Variants in LRRC20 observed in about 807,000 individuals in gnomAD.
The protein encoded by LRRC20 is leucine-rich repeat-containing protein 20.
LRRC20 carries 11 observed loss-of-function variants against 14.4 expected under a neutral mutation model. The ratio of observed to expected loss-of-function variants is 0.77; its 90% CI spans 0.48 to 1.27. LRRC20 has a LOEUF of 1.27. Ranked by LOEUF, LRRC20 falls within the 50% of genes most tolerant of loss-of-function variation. The pLI, the probability that LRRC20 is intolerant of heterozygous loss-of-function variation, is 0.00. For synonymous variants in LRRC20, 121 were observed against 107.3 expected (o/e 1.13, Z -0.79); for missense variants, 219 against 251.2 (o/e 0.87, Z 0.87).
chr10:70,332,826 T>C (rs1221573969), intron 3 of LRRC20, among the ~76,000 whole-genome samples: 1 of 152,260 alleles, frequency 6.6e-6, no homozygotes, highest in Non-Finnish European at 1.5e-5. Context: ...TAATGGTGGT[T>C]GTCTCTGGAC....
intron 1 of LRRC20, among the ~76,000 whole-genome samples, chr10:70,378,195 T>A (rs911344212): frequency 4.6e-5 from 7 of 152,224 alleles, no homozygotes; most frequent in African/African-American, 1.4e-4. Context: ...AACAAAACAC[T>A]GAGGGAACTC....
chr10:70,332,807 C>T (rs4747003), intron 3 of LRRC20, among the ~76,000 whole-genome samples: 83,168 of 152,132 alleles, frequency 0.55, 22,869 homozygotes, highest in African/African-American at 0.59. Flanking sequence ...GGAATATCTC[C>T]AGTACTGCTA....
intron 2 of LRRC20, among the ~76,000 whole-genome samples, chr10:70,350,460 TA>T: frequency 6.6e-6 from 1 of 152,252 alleles, no homozygotes; most frequent in South Asian, 2.1e-4. Context: ...CTTATCTCGT[TA>T]ATTCTAATGA....
chr10:70,304,493 TATATATATATATA>T (rs1841338972), intron 4 of LRRC20, among the ~76,000 whole-genome samples: 2 of 142,588 alleles, frequency 1.4e-5, no homozygotes, highest in East Asian at 2.0e-4. Flanking sequence ...TATATATATA[TATATATATATATA>T]TTTTACTAAG....
intron 2 of LRRC20, among the ~76,000 whole-genome samples, chr10:70,361,189 C>T (rs929479812): frequency 6.6e-6 from 1 of 152,178 alleles, no homozygotes; most frequent in Non-Finnish European, 1.5e-5. Flanking sequence ...GCTCATGAGG[C>T]CTCAGTTTCT....
chr10:70,311,663 C>T lies in LRRC20; in HGVS notation c.401-10155G>A, dbSNP rs1841673402. On this transcript the variant is annotated intron_variant, in intron 4 of 4. Transcript: ENST00000446961. ...CTTTTATGAAGCCAGAGGAATGTCC[C>T]TTTAACTTTCCCATGGCCCTCAAGT... Among the ~76,000 whole-genome samples, 3 of 152,262 alleles carry T rather than the reference C, an allele frequency of 2.0e-5. No individual in the cohort carries two copies. The South Asian group carries it at 6.2e-4, about 32-fold the overall frequency.
chr10:70,342,380 A>G (rs1842948466), intron 2 of LRRC20, among the ~76,000 whole-genome samples: 1 of 152,152 alleles, frequency 6.6e-6, no homozygotes, highest in African/African-American at 2.4e-5. Flanking sequence ...AAACCACTGA[A>G]TTGTACACTT....
chr10:70,358,879 C>T (rs981758612), intron 2 of LRRC20, among the ~76,000 whole-genome samples: 9 of 152,214 alleles, frequency 5.9e-5, no homozygotes, highest in African/African-American at 1.7e-4. Context: ...CTGCGGACCA[C>T]CCCTCGCACC....
At chr10:70,342,928 AG>A (rs1259799420) in intron 2 of LRRC20, among the ~76,000 whole-genome samples, 1 of 152,194 alleles carries the variant, frequency 6.6e-6, no homozygotes, top group East Asian at 1.9e-4. Flanking sequence ...AGGCTCTCCC[AG>A]GCTTCTAAGC....
At position 70,331,223 on chromosome 10, in the gene LRRC20, A is replaced by G. The variant is rs557157049; in HGVS notation, c.233-7193T>C. Among the ~76,000 whole-genome samples, 41 of 152,346 alleles carry G rather than the reference A, an allele frequency of 2.7e-4. 1 individual carries two copies. The highest frequency in any genetic ancestry group is 8.4e-4 in the African/African-American group (35 of 41,576). On this transcript the variant is annotated intron_variant, in intron 3 of 4. Coordinates refer to ENST00000446961, the MANE Select transcript of LRRC20 (RefSeq NM_001278212.2). Reference sequence around the variant, plus strand: ...ACTGTATCAGAAGCATCACTCATCAAGAATCTTGCATGCACCAAACCCTAC... The same window carrying G: ...ACTGTATCAGAAGCATCACTCATCAGGAATCTTGCATGCACCAAACCCTAC...
At position 70,334,520 on chromosome 10, in the gene LRRC20, C is replaced by A. The variant is rs576714856; in HGVS notation, c.232+6033G>T. Among the ~76,000 whole-genome samples the A allele has an allele frequency of 1.2e-4, 19 of 152,284 alleles. No homozygotes were observed. The South Asian group carries it at 3.9e-3, about 32-fold the overall frequency. ...AGAAAATAGTAACTCCTGTGGGGCA[C>A]TGACATACACTGTTCACTGGCACAC... On this transcript the variant is annotated intron_variant, in intron 3 of 4. Transcript: ENST00000446961.
At chr10:70,345,169 T>C (rs1034149057) in intron 2 of LRRC20, among the ~76,000 whole-genome samples, 3 of 152,118 alleles carry the variant, frequency 2.0e-5, no homozygotes, top group Non-Finnish European at 2.9e-5. Context: ...AAAGAAATTA[T>C]GTAGTTCAAA....
intron 2 of LRRC20, among the ~76,000 whole-genome samples, chr10:70,350,238 C>T (rs1381468960): frequency 6.6e-6 from 1 of 152,194 alleles, no homozygotes; most frequent in Admixed American, 6.5e-5. Context: ...TCCCTAGCAG[C>T]CCCAGCCACT....
intron 4 of LRRC20, 69 bp downstream of exon 4, chr10:70,323,794 C>T (rs1842192839): frequency 3.9e-6 from 6 of 1,556,014 alleles, no homozygotes; most frequent in Non-Finnish European, 5.3e-6. Context: ...TGAAGGTCGA[C>T]TCCAGAGTCC....
chr10:70,376,286 A>G (rs144070099), intron 2 of LRRC20, among the ~76,000 whole-genome samples, 166 bp downstream of exon 2: 68 of 152,330 alleles, frequency 4.5e-4, no homozygotes, highest in Middle Eastern at 6.8e-3. Context: ...CCACAGTAAG[A>G]AATGTCTTAC....
At chr10:70,347,501 CCA>C (rs1223680299) in intron 2 of LRRC20, among the ~76,000 whole-genome samples, 1 of 152,106 alleles carries the variant, frequency 6.6e-6, no homozygotes, top group African/African-American at 2.4e-5. Flanking sequence ...CTCACACCAC[CCA>C]CCCTTCCAGT....
At chr10:70,356,207 G>A (rs1339924919) in intron 2 of LRRC20, among the ~76,000 whole-genome samples, 1 of 152,164 alleles carries the variant, frequency 6.6e-6, no homozygotes, top group Non-Finnish European at 1.5e-5. Context: ...GAGGACAAGA[G>A]CTCTTTCAAA....
At chr10:70,335,718 T>A (rs1198859230) in intron 3 of LRRC20, among the ~76,000 whole-genome samples, 1 of 152,172 alleles carries the variant, frequency 6.6e-6, no homozygotes, top group African/African-American at 2.4e-5. Flanking sequence ...TTCCAGCCAG[T>A]CCCTAACAAC....
intron 2 of LRRC20, among the ~76,000 whole-genome samples, chr10:70,366,583 A>ACC (rs1564644313): frequency 1.3e-5 from 2 of 152,208 alleles, no homozygotes; most frequent in Non-Finnish European, 2.9e-5. Context: ...GAGAATGTAT[A>ACC]CAAGTAAAAA....
Sources: gnomAD v4.1 joint callset for allele counts (sites outside exome capture counted in the v4.1 genomes callset) on GRCh38, gnomAD v4.1.1 for gene constraint, MANE v1.5 for transcripts, NCBI Gene and HGNC (gene_info 2026-07-23, HGNC 2026-07-21) for gene names.